The following NRG3 variants were observed in gnomAD, a reference collection of about 807,000 sequenced individuals.
NRG3 encodes pro-neuregulin-3, membrane-bound isoform.
A neutral mutation model predicts 66.9 loss-of-function variants in NRG3; 31 were observed. The observed-to-expected ratio is 0.46, with a 90% CI of 0.35 to 0.63. The LOEUF (loss-of-function observed/expected upper bound fraction) is 0.63. Among genes scored for constraint, NRG3 ranks in the 20% least tolerant of loss-of-function variants. The pLI is 0.00. For missense variants in NRG3, 910 were observed against 878.9 expected (o/e 1.04, Z -0.45); for synonymous variants, 393 against 359.4 (o/e 1.09, Z -1.06).
At chr10:81,988,363 T>C (rs968715513) in intron 1 of NRG3, among the ~76,000 whole-genome samples, 1 of 152,142 alleles carries the variant, frequency 6.6e-6, no homozygotes, top group Non-Finnish European at 1.5e-5. Context: ...GAAACCAAGA[T>C]TTACTCATTA....
intron 8 of NRG3, among the ~76,000 whole-genome samples, chr10:82,980,836 T>A (rs1438804090): frequency 1.3e-5 from 2 of 152,332 alleles, no homozygotes; most frequent in East Asian, 3.9e-4. Context: ...TTTCTCTTGG[T>A]CTTATCTGTG....
chr10:82,025,839 T>G (rs559900303), intron 1 of NRG3, among the ~76,000 whole-genome samples: 20 of 152,208 alleles, frequency 1.3e-4, no homozygotes, highest in African/African-American at 4.3e-4. Context: ...GATAGTTTTT[T>G]GTTTTGTTTT....
intron 1 of NRG3, among the ~76,000 whole-genome samples, chr10:81,930,201 A>C (rs958813322): frequency 2.0e-5 from 3 of 152,148 alleles, no homozygotes; most frequent in Non-Finnish European, 1.5e-5. Context: ...GGTACACTGC[A>C]ATTCAGTTCT....
chr10:82,810,855 T>G (rs893904930), intron 3 of NRG3, among the ~76,000 whole-genome samples: 2 of 152,008 alleles, frequency 1.3e-5, no homozygotes, highest in Non-Finnish European at 2.9e-5. Context: ...ATATTAATAC[T>G]TAAAAGCCAC....
chr10:82,089,276 TA>T (rs1184478545), intron 1 of NRG3, among the ~76,000 whole-genome samples: 36 of 152,290 alleles, frequency 2.4e-4, no homozygotes, highest in African/African-American at 8.2e-4. Context: ...TGGCCTTTCT[TA>T]CATTTTGTAT....
At chr10:82,359,017 G>A in intron 2 of NRG3, 149 bp downstream of exon 2, 1 of 1,151,330 alleles carries the variant, frequency 8.7e-7, no homozygotes, top group Non-Finnish European at 1.2e-6. Flanking sequence ...ATTTGGAAAG[G>A]GCAAGGCTGC....
intron 1 of NRG3, among the ~76,000 whole-genome samples, chr10:82,114,470 G>A (rs1000640949): frequency 3.3e-5 from 5 of 152,048 alleles, no homozygotes; most frequent in African/African-American, 1.2e-4. Flanking sequence ...CAGTTTATTA[G>A]CATCCTTTAT....
intron 1 of NRG3, among the ~76,000 whole-genome samples, chr10:81,910,150 T>C (rs1477622976): frequency 6.6e-6 from 1 of 152,186 alleles, no homozygotes; most frequent in African/African-American, 2.4e-5. Context: ...CCTAGAATCC[T>C]GTAGAATCAG....
At chr10:82,966,332 T>C (rs1313194227) in intron 6 of NRG3, among the ~76,000 whole-genome samples, 1 of 152,148 alleles carries the variant, frequency 6.6e-6, no homozygotes, top group Non-Finnish European at 1.5e-5. Flanking sequence ...ATGATGACCA[T>C]GACAGTTTTG....
intron 2 of NRG3, among the ~76,000 whole-genome samples, chr10:82,651,521 C>G (rs2051411730): frequency 6.6e-6 from 1 of 152,238 alleles, no homozygotes; most frequent in Non-Finnish European, 1.5e-5. Flanking sequence ...GACACTCAAG[C>G]TGTCCTGTGG....
chr10:82,865,333 T>A, intron 3 of NRG3, 78 bp from the exon 4 acceptor site: 3 of 1,482,972 alleles, frequency 2.0e-6, no homozygotes, highest in Non-Finnish European at 2.8e-6. Context: ...TTATGAGCAC[T>A]GATTTCCATG....
rs192004246 is a variant in NRG3 at position 82,107,684 on chromosome 10, G to A, written c.823+231521G>A. Among the ~76,000 whole-genome samples the A allele has an allele frequency of 6.8e-4, 103 of 152,264 alleles. 1 individual carries two copies. The East Asian group carries it at 0.018, about 26-fold the overall frequency. ...TATGATCATTACACTATTGTTGCAC[G>A]GGGCTAGTCATTTAGTAGGAGCTTA... On this transcript the variant is annotated intron_variant, in intron 1 of 8. Coordinates refer to ENST00000372141, the MANE Select transcript of NRG3 (RefSeq NM_001010848.4).
At chr10:81,983,982 G>C (rs185121193) in intron 1 of NRG3, among the ~76,000 whole-genome samples, 2,384 of 152,108 alleles carry the variant, frequency 0.016, 26 homozygotes, top group Non-Finnish European at 0.023. Flanking sequence ...AAATAAAGAA[G>C]GTTCAAAGAA....
At chr10:82,739,347 C>G (rs2058307135) in intron 3 of NRG3, among the ~76,000 whole-genome samples, 1 of 152,198 alleles carries the variant, frequency 6.6e-6, no homozygotes, top group African/African-American at 2.4e-5. Context: ...CTTTCAATAG[C>G]TGCTAGAATT....
At chr10:82,810,666 G>A (rs1430658082) in intron 3 of NRG3, among the ~76,000 whole-genome samples, 5 of 151,172 alleles carry the variant, frequency 3.3e-5, no homozygotes, top group Non-Finnish European at 7.4e-5. Flanking sequence ...GGGAGGCGGA[G>A]GCAGGAGAAT....
chr10:82,631,193 T>C (rs2049804896), intron 2 of NRG3, among the ~76,000 whole-genome samples: 1 of 152,146 alleles, frequency 6.6e-6, no homozygotes, highest in African/African-American at 2.4e-5. Context: ...AACTCTCTAG[T>C]GTGGGAAGGA....
At chr10:82,327,373 T>C (rs555894184) in intron 1 of NRG3, among the ~76,000 whole-genome samples, 11 of 152,290 alleles carry the variant, frequency 7.2e-5, no homozygotes, top group African/African-American at 2.6e-4. Context: ...GGGGCTGAGC[T>C]TTCAGTGTGG....
intron 2 of NRG3, among the ~76,000 whole-genome samples, chr10:82,601,775 C>T (rs1381530620): frequency 6.8e-6 from 1 of 147,144 alleles, no homozygotes; most frequent in South Asian, 2.2e-4. Flanking sequence ...TTTGGGAGGT[C>T]GAGGCGGAAG....
chr10:81,923,859 C>G (rs1382885708), intron 1 of NRG3, among the ~76,000 whole-genome samples: 2 of 152,214 alleles, frequency 1.3e-5, no homozygotes, highest in East Asian at 3.9e-4. Flanking sequence ...TCCACCTACT[C>G]TGCTAGCAGA....
Sources: gnomAD v4.1 joint callset for allele counts (sites outside exome capture counted in the v4.1 genomes callset) on GRCh38, gnomAD v4.1.1 for gene constraint, MANE v1.5 for transcripts, NCBI Gene and HGNC (gene_info 2026-07-23, HGNC 2026-07-21) for gene names.